PDXDC1: variants seen among roughly 807,000 people sequenced by gnomAD.
The protein encoded by PDXDC1 is pyridoxal dependent decarboxylase domain containing 1, also known as pyridoxal-dependent decarboxylase domain-containing protein 1.
In PDXDC1, 42 loss-of-function variants were observed where a neutral mutation model predicts 100.1. That is an observed-to-expected ratio of 0.42 (90% confidence interval 0.33 to 0.54). The LOEUF is 0.54. Ranked by LOEUF, PDXDC1 falls within the 20% of genes least tolerant of loss-of-function variation. PDXDC1 has a pLI of 0.10. For synonymous variants in PDXDC1, 260 were observed against 371.7 expected, an observed-to-expected ratio of 0.70 and a Z score of 3.46; for missense variants, 636 against 979.2, an observed-to-expected ratio of 0.65 and a Z score of 4.68.
chr16:15,035,937 A>G (rs1283454887), intron 22 of PDXDC1, 79 bp from the exon 23 acceptor site: 15 of 1,406,876 alleles, frequency 1.1e-5, no homozygotes, highest in Non-Finnish European at 1.5e-5. Context: ...AAATAAAGCA[A>G]TTATCTGTTG....
In PDXDC1 at chr16:15,037,902, A is replaced by ATT; in HGVS notation, c.*1629_*1630dup. 1 of 595,296 alleles carries ATT rather than the reference A, an allele frequency of 1.7e-6. No individual in the cohort carries two copies. The highest frequency in any genetic ancestry group is 3.0e-6 in the Non-Finnish European group (1 of 335,316). The allele number at this position is 595,296 out of a possible 1,614,324, so 36.9% of individuals were successfully genotyped here. On this transcript the variant is annotated 3_prime_UTR_variant, in exon 23 of 23. Transcript: ENST00000396410. ...TTTTGAAAGTCATTTGATGAAAGTCATTTGAAAGACACTGAGGAGGGAAGG... is the reference window on the plus strand; with the variant it reads ...TTTTGAAAGTCATTTGATGAAAGTCATTTTTGAAAGACACTGAGGAGGGAAGG...
At chr16:15,127,786 A>G (rs927715109) in intron 16 of PDXDC1, 5 of 1,556,262 alleles carry the variant, frequency 3.2e-6, no homozygotes, top group African/African-American at 2.7e-5. Context: ...GATGCGAGTG[A>G]AACAGCTACG....
chr16:15,067,833 C>T (rs2045042411), intron 16 of PDXDC1, among the ~76,000 whole-genome samples: 1 of 152,152 alleles, frequency 6.6e-6, no homozygotes, highest in Non-Finnish European at 1.5e-5. Flanking sequence ...TCAGGGCTCA[C>T]TGCATCCTTG....
At chr16:14,999,632 G>T (rs1404602624) in intron 3 of PDXDC1, among the ~76,000 whole-genome samples, 1 of 152,228 alleles carries the variant, frequency 6.6e-6, no homozygotes, top group African/African-American at 2.4e-5. Flanking sequence ...TTGGTAGACT[G>T]AGTTTTATTC....
At chr16:15,065,153 G>A (rs2044910484) in intron 16 of PDXDC1, 8 of 1,503,282 alleles carry the variant, frequency 5.3e-6, no homozygotes, top group Non-Finnish European at 7.2e-6. Context: ...GCGACAGAGT[G>A]AGACTCCGTC....
intron 16 of PDXDC1, among the ~76,000 whole-genome samples, chr16:15,100,961 A>C (rs541271482): frequency 8.5e-5 from 13 of 152,196 alleles, no homozygotes; most frequent in Non-Finnish European, 1.9e-4. Context: ...ATCCTGCAAC[A>C]GGGACGCTAT....
chr16:15,147,716 T>A, the PDXDC1 span, among the ~76,000 whole-genome samples: 4 of 151,904 alleles, frequency 2.6e-5, no homozygotes, highest in Non-Finnish European at 5.9e-5. Context: ...TGAGACAGAG[T>A]CTCGCTCTGT....
At chr16:15,033,236 C>G (rs779952938) in intron 18 of PDXDC1, 42 bp from the exon 19 acceptor site, 41 of 1,610,660 alleles carry the variant, frequency 2.5e-5, no homozygotes, top group South Asian at 3.3e-5. Flanking sequence ...TCACCCATGA[C>G]AGAGGACTGA....
In PDXDC1 at chr16:15,036,109, G is replaced by A. The variant is rs140266490; in HGVS notation, c.2201G>A (p.Arg734His). Residue 734 changes from arginine (R) to histidine (H), a missense_variant, in exon 23 of 23, where the codon CGC becomes CAC. Transcript: ENST00000396410. ...ATTGAAGACTTAGAAAAGGTGGAGC[G>A]CCTATCCAGTGGGCCGGAGCAGATC... ...SHIEDLEKVE[R>H]LSSGPEQITL... The A allele has an allele frequency of 3.0e-5, 48 of 1,613,940 alleles. No homozygotes were observed. The East Asian group carries it at 3.1e-4, about 10-fold the overall frequency.
At chr16:15,150,117 G>A in the PDXDC1 span, among the ~76,000 whole-genome samples, 9 of 151,800 alleles carry the variant, frequency 5.9e-5, no homozygotes, top group Non-Finnish European at 1.0e-4. Flanking sequence ...GGCTGAGGCG[G>A]GTGGATCACG....
intron 1 of PDXDC1, among the ~76,000 whole-genome samples, chr16:14,978,198 C>T (rs1228732157): frequency 1.3e-5 from 2 of 152,276 alleles, no homozygotes; most frequent in Non-Finnish European, 2.9e-5. Context: ...GAAATTCAAA[C>T]TTAGGAGAGT....
rs1420958108 is a variant in PDXDC1 at position 15,111,622 on chromosome 16, G to A, written c.1400-27257G>A. Among the ~76,000 whole-genome samples, 60 of 147,088 alleles carry A rather than the reference G, an allele frequency of 4.1e-4. 4 individuals are homozygous for A. In the Middle Eastern group the frequency reaches 0.01, roughly 25 times the overall value. ...AAAATACAAAAATTAGCTGAGCATG[G>A]TGGCGCACGCCTGTAGTCCCAGCTA... On this transcript the variant is annotated intron_variant, in intron 16 of 16. Coordinates refer to the PDXDC1 transcript ENST00000535621.
At chr16:15,133,433 G>T in intron 16 of PDXDC1, 1 of 1,001,978 alleles carries the variant, frequency 1.0e-6, no homozygotes, top group South Asian at 1.3e-5. Context: ...CCTACGAGCA[G>T]AGGGGGGTGG....
chr16:15,074,794 GGAT>G (rs1179028968), intron 16 of PDXDC1: 10 of 1,613,946 alleles, frequency 6.2e-6, no homozygotes, highest in Non-Finnish European at 8.5e-6. Flanking sequence ...CTCGGCTACA[GGAT>G]GCACCATCTG....
chr16:15,008,592 AC>A (rs1300317206), intron 6 of PDXDC1, among the ~76,000 whole-genome samples, 186 bp from the exon 7 acceptor site: 4 of 138,320 alleles, frequency 2.9e-5, no homozygotes, highest in Non-Finnish European at 4.9e-5. Flanking sequence ...TTGGAAATTC[AC>A]CCTTTTTTTT....
chr16:15,070,196 G>A, intron 16 of PDXDC1: 1 of 1,606,842 alleles, frequency 6.2e-7, no homozygotes, highest in African/African-American at 1.3e-5. Flanking sequence ...CCCGAATCCT[G>A]GTTATTAAGG....
intron 16 of PDXDC1, among the ~76,000 whole-genome samples, chr16:15,106,654 C>A (rs188533455): frequency 0.031 from 4,574 of 147,206 alleles, 284 homozygotes; most frequent in Non-Finnish European, 0.053. Flanking sequence ...ACTCGGGAGG[C>A]TGAGGCAGGG....
intron 12 of PDXDC1, among the ~76,000 whole-genome samples, chr16:15,020,405 A>G (rs1473006040): frequency 6.6e-6 from 1 of 152,276 alleles, no homozygotes; most frequent in East Asian, 1.9e-4. Context: ...TAAGAAACAT[A>G]GGTGGCCGGG....
rs577391255 is a variant in PDXDC1, at chr16:15,080,973, G to A, written c.1399+50917G>A. On this transcript the variant is annotated intron_variant, in intron 16 of 16. Transcript: ENST00000535621. ...TTAGGGTTCAATCATGTTGTAACAT[G>A]TAAACCATTCCTTTCATATCAATGG... 3.3e-5 allele frequency among the ~76,000 whole-genome samples: 5 copies of A among 152,152 alleles called. No homozygotes were observed. In the East Asian group the frequency reaches 9.6e-4, roughly 29 times the overall value.
Sources: gnomAD v4.1 joint callset for allele counts (sites outside exome capture counted in the v4.1 genomes callset) on GRCh38, gnomAD v4.1.1 for gene constraint, MANE v1.5 for transcripts, NCBI Gene and HGNC (gene_info 2026-07-23, HGNC 2026-07-21) for gene names.